The following RWDD4 variants were observed in gnomAD, a reference collection of about 807,000 sequenced individuals.
RWDD4 encodes RWD domain-containing protein 4.
RWDD4 carries 16 observed loss-of-function variants against 30.0 expected under a neutral mutation model. That is an observed-to-expected ratio of 0.53 (90% CI 0.36 to 0.81). The LOEUF is 0.81. RWDD4 is among the 30% of genes least tolerant of loss of function. The pLI is 0.00. For synonymous variants in RWDD4, 45 were observed against 72.1 expected (o/e 0.62, Z 1.90); for missense variants, 170 against 223.9 (o/e 0.76, Z 1.54).
intron 7 of RWDD4, among the ~76,000 whole-genome samples, 155 bp downstream of exon 7, chr4:183,646,196 C>T (rs1733962902): frequency 6.6e-6 from 1 of 151,832 alleles, no homozygotes; most frequent in Admixed American, 6.6e-5. Context: ...GAGCCACTGT[C>T]CCCTAAGTAT....
intron 5 of RWDD4, among the ~76,000 whole-genome samples, chr4:183,646,935 G>A (rs550585577): frequency 1.8e-4 from 28 of 152,160 alleles, no homozygotes; most frequent in South Asian, 4.1e-4. Context: ...TTAGCATTTC[G>A]CACCCAGAAG....
Position 183,641,408 on chromosome 4 carries a change from G to A in RWDD4, c.*28C>T. On this transcript the variant is annotated 3_prime_UTR_variant, in exon 8 of 8. Coordinates refer to ENST00000326397, the MANE Select transcript of RWDD4 (RefSeq NM_152682.4). ...AACCCAGTTTTACTCTTTAAAGAAT[G>A]CTCTTTCCTTGTCTCAAATTCCAAG... The A allele has an allele frequency of 1.3e-6, 2 of 1,568,746 alleles. No individual in the cohort carries two copies. Among genetic ancestry groups the A allele is most frequent in the Non-Finnish European group, 1.8e-6 (2 of 1,142,702 alleles).
At chr4:183,643,064 AAATAAATAAATAAATAAAT>A (rs1733893091) in intron 7 of RWDD4, among the ~76,000 whole-genome samples, 1 of 63,170 alleles carries the variant, frequency 1.6e-5, no homozygotes, top group African/African-American at 5.9e-5. Flanking sequence ...GTTCAAAAAT[AAATAAATAAATAAATAAAT>A]AAATAAATAA....
intron 7 of RWDD4, among the ~76,000 whole-genome samples, chr4:183,645,528 G>C (rs1405122977): frequency 1.3e-5 from 2 of 151,288 alleles, no homozygotes; most frequent in Middle Eastern, 3.4e-3. Flanking sequence ...CCAGCACGTT[G>C]TGAGGCCGAG....
intron 4 of RWDD4, 98 bp downstream of exon 4, chr4:183,650,886 C>A: frequency 8.1e-7 from 1 of 1,234,578 alleles, no homozygotes; most frequent in Admixed American, 2.5e-5. Context: ...AACAAGTCTT[C>A]TTCCGATTTT....
At chr4:183,658,825 A>C (rs1422891677) in intron 1 of RWDD4, 104 bp downstream of exon 1, 14 of 1,062,230 alleles carry the variant, frequency 1.3e-5, no homozygotes, top group African/African-American at 1.6e-5. Context: ...CTCCGAGGGC[A>C]CAGGGCACGT....
chr4:183,647,519 A>G (rs755083692), intron 5 of RWDD4, among the ~76,000 whole-genome samples: 3 of 152,194 alleles, frequency 2.0e-5, no homozygotes, highest in Non-Finnish European at 4.4e-5. Flanking sequence ...TTAAAATTTT[A>G]TTTAGAATGA....
Position 183,656,158 on chromosome 4 carries a change from G to A in RWDD4, c.25-197C>T, listed in dbSNP as rs1734188903. ...AATGATACTTACTTTCAAACTCTGTGTCAGGGACTACTAAGCACTGTACAA... is the reference window on the plus strand; with the variant it reads ...AATGATACTTACTTTCAAACTCTGTATCAGGGACTACTAAGCACTGTACAA... On this transcript the variant is annotated intron_variant, in intron 1 of 7. Transcript: ENST00000326397. 3 of 509,484 alleles carry A rather than the reference G, an allele frequency of 5.9e-6. No individual in the cohort carries two copies. The Admixed American group carries it at 9.6e-5, about 16-fold the overall frequency. The allele number at this position is 509,484 out of a possible 1,614,324, so 31.6% of individuals were successfully genotyped here.
chr4:183,652,361 CTTTTT>C (rs59841926), intron 2 of RWDD4, among the ~76,000 whole-genome samples: 1 of 123,316 alleles, frequency 8.1e-6, no homozygotes, highest in African/African-American at 3.2e-5. Context: ...TCTCCCCTGG[CTTTTT>C]TTTTTTTTTT....
chr4:183,654,096 G>T (rs1446639767), intron 2 of RWDD4, among the ~76,000 whole-genome samples: 1 of 152,138 alleles, frequency 6.6e-6, no homozygotes, highest in Non-Finnish European at 1.5e-5. Flanking sequence ...CAAACAATGT[G>T]TGCAAAAGCA....
In RWDD4 at chr4:183,659,042, C is replaced by T; in HGVS notation, c.-90G>A. The T allele has an allele frequency of 2.9e-6, 3 of 1,023,700 alleles. No homozygotes were observed. Among genetic ancestry groups the T allele is most frequent in the Non-Finnish European group, 3.8e-6 (3 of 797,496 alleles). 63.4% of individuals were successfully genotyped at this position (1,023,700 alleles called of 1,614,324 possible). A position where few individuals can be genotyped will look rare whatever the true frequency, so the allele number is the denominator to read the frequency against. On this transcript the variant is annotated 5_prime_UTR_variant, in exon 1 of 8. Transcript: ENST00000326397. ...AGCGGCCCAGAGGCCGGGCGTCCCCCTTTCGCGCCTCGGCTGTGGGGGCGG... is the reference window on the plus strand; with the variant it reads ...AGCGGCCCAGAGGCCGGGCGTCCCCTTTTCGCGCCTCGGCTGTGGGGGCGG...
chr4:183,642,185 A>ATTTT (rs1009902870), intron 7 of RWDD4, among the ~76,000 whole-genome samples: 5 of 97,118 alleles, frequency 5.1e-5, no homozygotes, highest in East Asian at 5.6e-4. Context: ...CATTCTTAAA[A>ATTTT]TTTTTTTTTT....
Position 183,655,980 on chromosome 4 carries a change from T to C in RWDD4, c.25-19A>G, listed in dbSNP as rs756813464. Reference sequence around the variant, plus strand: ...GTTCCATCTGAAATAAAGAACTGAATGAGTTTTGTTTAGTGGTATAAATGA... The same window carrying C: ...GTTCCATCTGAAATAAAGAACTGAACGAGTTTTGTTTAGTGGTATAAATGA... On this transcript the variant is annotated intron_variant, in intron 1 of 7. Transcript: ENST00000326397. 1.9e-6 allele frequency: 3 copies of C among 1,539,248 alleles called. No individual in the cohort carries two copies. The highest frequency in any genetic ancestry group is 2.2e-5 in the South Asian group (2 of 88,918).
intron 2 of RWDD4, 133 bp downstream of exon 2, chr4:183,655,748 T>TTAGTTAGTTAGCATTTTTAGTTAGTCA: frequency 3.4e-6 from 2 of 588,836 alleles, no homozygotes; most frequent in Non-Finnish European, 6.1e-6. Flanking sequence ...TAGGGTGATG[T>TTAGTTAGTTAGCATTTTTAGTTAGTCA]TTCCATTTAA....
chr4:183,652,725 G>C (rs1284932137), intron 2 of RWDD4, among the ~76,000 whole-genome samples: 1 of 150,998 alleles, frequency 6.6e-6, no homozygotes. Flanking sequence ...CAGGAGAATC[G>C]CTTGAATCTG....
At position 183,644,293 on chromosome 4, in the gene RWDD4, G is replaced by A. The variant is rs4276319; in HGVS notation, c.534+2058C>T. On this transcript the variant is annotated intron_variant, in intron 7 of 7. Transcript: ENST00000326397. ...AAGTCCTGGGAAATGAGAGAATGCC[G>A]GAGAGGCTTCACTCATACAGTATCT... is the stretch of plus-strand genomic sequence containing the variant. 3.5e-3 allele frequency among the ~76,000 whole-genome samples: 530 copies of A among 152,322 alleles called. 4 individuals are homozygous for A. Among genetic ancestry groups the A allele is most frequent in the African/African-American group, 0.012 (499 of 41,568 alleles).
rs1293085679 is a variant in RWDD4 at position 183,640,855 on chromosome 4, G to T, written c.*581C>A. The T allele has an allele frequency of 7.3e-5, 10 of 137,172 alleles. No individual in the cohort carries two copies. Among genetic ancestry groups the T allele is most frequent in the African/African-American group, 2.7e-4 (10 of 36,800 alleles). The allele number at this position is 137,172 out of a possible 1,614,324, so 8.5% of individuals were successfully genotyped here. On this transcript the variant is annotated 3_prime_UTR_variant, in exon 8 of 8. Coordinates refer to ENST00000326397, the MANE Select transcript of RWDD4 (RefSeq NM_152682.4). ...CCAAATCAAGAGAAAAGTATAAATA[G>T]ATATTAATTTATTAAAAGGAAGCAG...
At chr4:183,650,118 T>C (rs1393770586) in intron 4 of RWDD4, among the ~76,000 whole-genome samples, 1 of 152,180 alleles carries the variant, frequency 6.6e-6, no homozygotes, top group African/African-American at 2.4e-5. Flanking sequence ...TACCACACAT[T>C]TGATCCTCAG....
rs775627864 is a variant in RWDD4 at position 183,641,385 on chromosome 4, C to A, written c.*51G>T. The stretch of plus-strand genomic sequence containing the variant: ...GAAAATAGTAATGAAAGATTTTGAA[C>A]CCAGTTTTACTCTTTAAAGAATGCT... On this transcript the variant is annotated 3_prime_UTR_variant, in exon 8 of 8. Coordinates refer to ENST00000326397, the MANE Select transcript of RWDD4 (RefSeq NM_152682.4). 4.9e-6 allele frequency: 7 copies of A among 1,421,184 alleles called. No individual in the cohort carries two copies. In the Admixed American group the frequency reaches 5.8e-5, roughly 12 times the overall value. 88.0% of individuals were successfully genotyped at this position (1,421,184 alleles called of 1,614,324 possible).
Sources: gnomAD v4.1 joint callset for allele counts (sites outside exome capture counted in the v4.1 genomes callset) on GRCh38, gnomAD v4.1.1 for gene constraint, MANE v1.5 for transcripts, NCBI Gene and HGNC (gene_info 2026-07-23, HGNC 2026-07-21) for gene names.